Variants in PLA2G5 observed in about 807,000 individuals in gnomAD.
PLA2G5 encodes Ca2+-dependent phospholipase A2.
PLA2G5 carries 12 observed loss-of-function variants against 15.9 expected under a neutral mutation model. The ratio of observed to expected loss-of-function variants is 0.76; its 90% confidence interval spans 0.48 to 1.23. PLA2G5 has a LOEUF of 1.23. PLA2G5 is among the 50% of genes most tolerant of loss of function. PLA2G5 has a pLI of 0.00. For synonymous variants in PLA2G5, 71 were observed against 71.4 expected (o/e 0.99, Z 0.03); for missense variants, 169 against 177.1 (o/e 0.95, Z 0.26).
rs534834215 is a variant in PLA2G5 at position 20,089,829 on chromosome 1, G to T, written c.226G>T (p.Glu76Ter). 6.2e-6 allele frequency: 10 copies of T among 1,614,048 alleles called. No individual in the cohort carries two copies. Among genetic ancestry groups the T allele is most frequent in the Non-Finnish European group, 8.5e-6 (10 of 1,180,006 alleles). The change falls in exon 4 of 5, where the codon GAG (glutamate) becomes TAG (stop). Residue 76 changes from glutamate (E) to a stop codon, truncating the protein, a stop_gained. Transcript: ENST00000375108. LOFTEE classifies it high-confidence loss of function. ...TGACCACTGCTATGGGCGGCTGGAG[G>T]AGAAGGGCTGCAACATTCGCACACA... ...AHDHCYGRLE[E>*]KGCNIRTQSY...
intron 1 of PLA2G5, among the ~76,000 whole-genome samples, chr1:20,078,356 AG>A (rs1053483513): frequency 1.4e-5 from 2 of 146,926 alleles, no homozygotes; most frequent in African/African-American, 5.3e-5. Flanking sequence ...CCTAGAGGCA[AG>A]GGATTTTTTT....
chr1:20,054,191 G>A (rs950464562), intron 1 of PLA2G5, among the ~76,000 whole-genome samples: 2 of 152,110 alleles, frequency 1.3e-5, no homozygotes, highest in African/African-American at 4.8e-5. Flanking sequence ...AATTCAATCC[G>A]CTAAGGCAGA....
intron 2 of PLA2G5, among the ~76,000 whole-genome samples, chr1:20,061,830 G>A (rs145562735): frequency 8.3e-4 from 127 of 152,280 alleles, no homozygotes; most frequent in African/African-American, 2.8e-3. Context: ...CCCAAACAAG[G>A]GGCTTCTCAA....
rs148275015 is a variant in PLA2G5 at position 20,055,180 on chromosome 1, C to G, written n.277-4452C>G. Among the ~76,000 whole-genome samples the G allele has an allele frequency of 9.1e-3, 1,390 of 152,170 alleles. 26 individuals are homozygous for G. The highest frequency in any genetic ancestry group is 0.032 in the African/African-American group (1,313 of 41,488). On this transcript the variant is annotated intron_variant and non_coding_transcript_variant, in intron 1 of 6. Coordinates refer to the PLA2G5 transcript ENST00000460175. ...ATTTCAATCTGGCAACACAGAGAAA[C>G]GTATGCCAGATGATGAAACCCCCAC...
chr1:20,076,414 G>A (rs191455258), intron 1 of PLA2G5, among the ~76,000 whole-genome samples: 2 of 152,162 alleles, frequency 1.3e-5, no homozygotes, highest in African/African-American at 2.4e-5. Context: ...AGGAAACCAC[G>A]TGACACTCTG....
At chr1:20,046,927 G>A (rs764236439) in intron 1 of PLA2G5, among the ~76,000 whole-genome samples, 30 of 152,176 alleles carry the variant, frequency 2.0e-4, no homozygotes, top group Non-Finnish European at 4.4e-4. Context: ...AATCTTGAAT[G>A]AGCTTGTCTG....
intron 1 of PLA2G5, among the ~76,000 whole-genome samples, chr1:20,031,586 G>A (rs1267891399): frequency 6.6e-6 from 1 of 151,330 alleles, no homozygotes; most frequent in Non-Finnish European, 1.5e-5. Flanking sequence ...ATGGACCAGG[G>A]CCTCCTGGAT....
At chr1:20,085,734 A>G (rs1442259536) in intron 2 of PLA2G5, among the ~76,000 whole-genome samples, 1 of 152,252 alleles carries the variant, frequency 6.6e-6, no homozygotes, top group East Asian at 1.9e-4. Context: ...CAAAATTTAC[A>G]TAGTTGATCT....
intron 1 of PLA2G5, among the ~76,000 whole-genome samples, chr1:20,074,722 T>C (rs1478504361): frequency 6.6e-6 from 1 of 152,078 alleles, no homozygotes; most frequent in Non-Finnish European, 1.5e-5. Flanking sequence ...CCAGGACACA[T>C]GAGCTGTTAG....
At chr1:20,086,275 A>G in intron 3 of PLA2G5, 48 bp downstream of exon 3, 1 of 1,579,486 alleles carries the variant, frequency 6.3e-7, no homozygotes, top group Non-Finnish European at 8.7e-7. Context: ...CTCTGCACCC[A>G]TGTTTTCTTA....
In PLA2G5 at chr1:20,044,458, G is replaced by C. The variant is rs528913805; in HGVS notation, n.277-15174G>C. On this transcript the variant is annotated intron_variant and non_coding_transcript_variant, in intron 1 of 6. Transcript: ENST00000460175. ...GTAATAAAATGCATGTTGAGAATAA[G>C]ACAGCCTTCTGGTCCCTCTGGGTCC... Among the ~76,000 whole-genome samples the C allele has an allele frequency of 2.0e-5, 3 of 152,294 alleles. No individual in the cohort carries two copies. The East Asian group carries it at 5.8e-4, about 29-fold the overall frequency.
intron 1 of PLA2G5, among the ~76,000 whole-genome samples, chr1:20,030,129 G>A (rs1203400848): frequency 1.3e-5 from 2 of 152,064 alleles, no homozygotes; most frequent in African/African-American, 4.8e-5. Context: ...AGAGAGAGAA[G>A]AGTGGACCCA....
In PLA2G5 at chr1:20,070,320, T is replaced by C. The variant is rs2015290677; in HGVS notation, c.-156T>C. 1 of 985,358 alleles carries C rather than the reference T, an allele frequency of 1.0e-6. No homozygotes were observed. The highest frequency in any genetic ancestry group is 1.2e-6 in the Non-Finnish European group (1 of 829,956). The allele number at this position is 985,358 out of a possible 1,614,324, so 61.0% of individuals were successfully genotyped here. On this transcript the variant is annotated 5_prime_UTR_variant, in exon 1 of 5. Transcript: ENST00000375108. ...TTTAAGATTCTGGAGGCCAAGAATTTGACTCCCCCCGGATCCATGGTCTGT... is the reference window on the plus strand; with the variant it reads ...TTTAAGATTCTGGAGGCCAAGAATTCGACTCCCCCCGGATCCATGGTCTGT...
chr1:20,076,099 C>T (rs189270789), intron 1 of PLA2G5, among the ~76,000 whole-genome samples: 4 of 152,250 alleles, frequency 2.6e-5, no homozygotes, highest in Admixed American at 2.6e-4. Context: ...TCTCGAACTC[C>T]TGACCTCAAT....
chr1:20,076,806 C>A (rs1327318035), intron 1 of PLA2G5: 2 of 152,192 alleles, frequency 1.3e-5, no homozygotes, highest in Non-Finnish European at 2.9e-5. Flanking sequence ...TATAACATTC[C>A]AGAGACAGGT....
At chr1:20,065,979 C>T (rs2015005911), upstream of PLA2G5, 2 of 152,118 alleles carry the variant, frequency 1.3e-5, 1 homozygote, top group South Asian at 4.1e-4. Flanking sequence ...TGTGAATAGC[C>T]ACTGCACAGA....
chr1:20,035,289 G>T (rs566057346), intron 1 of PLA2G5, among the ~76,000 whole-genome samples: 40 of 152,270 alleles, frequency 2.6e-4, no homozygotes, highest in Non-Finnish European at 5.7e-4. Flanking sequence ...CTGGGTGGGA[G>T]GGGAGTTGCG....
intron 1 of PLA2G5, among the ~76,000 whole-genome samples, chr1:20,033,169 T>C (rs1029463370): frequency 6.6e-6 from 1 of 152,208 alleles, no homozygotes; most frequent in Non-Finnish European, 1.5e-5. Flanking sequence ...AGTATGGGGC[T>C]GGAGAGCATT....
intron 1 of PLA2G5, among the ~76,000 whole-genome samples, chr1:20,079,579 C>G (rs2015891949): frequency 6.6e-6 from 1 of 152,174 alleles, no homozygotes; most frequent in South Asian, 2.1e-4. Context: ...GGTGCAATCA[C>G]AGTTCACTGT....
Sources: allele counts gnomAD v4.1 joint callset (sites outside exome capture counted in the v4.1 genomes callset), GRCh38; gene constraint gnomAD v4.1.1; transcripts MANE v1.5; gene names NCBI Gene and HGNC (gene_info 2026-07-23, HGNC 2026-07-21).